Variants in AKR1C8 observed in about 807,000 individuals in gnomAD.
AKR1C8 encodes the protein aldo-keto reductase family 1 member C8.
At chr10:5,162,098 G>A in the AKR1C8 span, 1 of 396,130 alleles carries the variant, frequency 2.5e-6, no homozygotes, top group Admixed American at 3.4e-5. Flanking sequence ...AAAAGAGCTG[G>A]GACTAAACAT....
the AKR1C8 span, among the ~76,000 whole-genome samples, chr10:5,156,877 C>A: frequency 6.6e-6 from 1 of 152,118 alleles, no homozygotes; most frequent in African/African-American, 2.4e-5. Context: ...TTGTAGCTGT[C>A]ATTTTAAAAT....
At chr10:5,135,563 A>G in the AKR1C8 span, among the ~76,000 whole-genome samples, 2 of 149,146 alleles carry the variant, frequency 1.3e-5, no homozygotes, top group Non-Finnish European at 1.5e-5. Context: ...TCTATCATCT[A>G]TCATCTATCT....
the AKR1C8 span, chr10:5,158,811 T>C: frequency 2.4e-6 from 1 of 424,836 alleles, no homozygotes; most frequent in Non-Finnish European, 4.7e-6. Context: ...CATTAATAGA[T>C]GTACTATACT....
chr10:5,140,402 G>A, the AKR1C8 span, among the ~76,000 whole-genome samples: 5 of 152,070 alleles, frequency 3.3e-5, no homozygotes, highest in African/African-American at 1.2e-4. Flanking sequence ...CAACCCAAAT[G>A]TCCATCAATG....
At chr10:5,180,880 G>A in the AKR1C8 span, among the ~76,000 whole-genome samples, 1 of 152,332 alleles carries the variant, frequency 6.6e-6, no homozygotes, top group Non-Finnish European at 1.5e-5. Context: ...TTTTCCAGGT[G>A]CCGTCTGTCA....
At chr10:5,163,122 C>A in the AKR1C8 span, 1 of 418,490 alleles carries the variant, frequency 2.4e-6, no homozygotes. Context: ...TGGCCGCCTC[C>A]TCCAATTTTG....
chr10:5,127,702 G>A, the AKR1C8 span, among the ~76,000 whole-genome samples: 5 of 125,002 alleles, frequency 4.0e-5, no homozygotes, highest in Non-Finnish European at 6.3e-5. Context: ...AGCAGCCTGG[G>A]CAACAAAGCA....
At chr10:5,122,077 T>A in the AKR1C8 span, 99,141 of 299,260 alleles carry the variant, frequency 0.33, 16,718 homozygotes, top group Non-Finnish European at 0.39. Context: ...AGAATCTGCA[T>A]CACTTAAAAT....
the AKR1C8 span, among the ~76,000 whole-genome samples, chr10:5,164,810 A>T: frequency 1.3e-5 from 2 of 152,296 alleles, no homozygotes; most frequent in East Asian, 1.9e-4. Flanking sequence ...TCTCAGTGTT[A>T]TCTGAAGGCT....
chr10:5,151,012 GGGGACC>G, the AKR1C8 span, among the ~76,000 whole-genome samples: 1 of 152,146 alleles, frequency 6.6e-6, no homozygotes, highest in Admixed American at 6.5e-5. Flanking sequence ...TTGGTGGGTA[GGGGACC>G]AGTGAGTCAG....
At chr10:5,116,849 TAC>T in the AKR1C8 span, among the ~76,000 whole-genome samples, 1 of 152,124 alleles carries the variant, frequency 6.6e-6, no homozygotes, top group African/African-American at 2.4e-5. Flanking sequence ...ACTTACAAAA[TAC>T]AGTAATTCTT....
the AKR1C8 span, chr10:5,162,708 G>A: frequency 2.8e-6 from 1 of 359,888 alleles, no homozygotes. Context: ...ATATTTCAGA[G>A]TAAGAAAGTC....
chr10:5,168,424 C>G, the AKR1C8 span, among the ~76,000 whole-genome samples: 2 of 152,046 alleles, frequency 1.3e-5, no homozygotes, highest in African/African-American at 4.8e-5. Context: ...CCCAAACCCC[C>G]GAGTCCACTA....
the AKR1C8 span, among the ~76,000 whole-genome samples, chr10:5,174,137 A>C: frequency 6.6e-6 from 1 of 151,894 alleles, no homozygotes; most frequent in Non-Finnish European, 1.5e-5. Flanking sequence ...TAGAAACTGC[A>C]CATTTTCCTA....
At chr10:5,159,295 G>C in the AKR1C8 span, among the ~76,000 whole-genome samples, 1 of 152,174 alleles carries the variant, frequency 6.6e-6, no homozygotes, top group South Asian at 2.1e-4. Flanking sequence ...AAGTACAAAA[G>C]GAACATGTCA....
chr10:5,176,915 C>T, the AKR1C8 span, among the ~76,000 whole-genome samples: 8 of 152,216 alleles, frequency 5.3e-5, no homozygotes, highest in South Asian at 2.1e-4. Context: ...AGAATCATGT[C>T]GTCTGCAAAC....
At chr10:5,141,403 T>C in the AKR1C8 span, among the ~76,000 whole-genome samples, 1 of 152,166 alleles carries the variant, frequency 6.6e-6, no homozygotes, top group Non-Finnish European at 1.5e-5. Flanking sequence ...TCTATTCATG[T>C]TGATATTTTG....
the AKR1C8 span, among the ~76,000 whole-genome samples, chr10:5,136,570 G>GT: frequency 3.0e-4 from 45 of 152,206 alleles, no homozygotes; most frequent in Non-Finnish European, 5.9e-4. Context: ...AATATCTGTT[G>GT]TTTTTTGACA....
chr10:5,157,464 G>T, the AKR1C8 span, among the ~76,000 whole-genome samples: 26 of 152,164 alleles, frequency 1.7e-4, no homozygotes, highest in Non-Finnish European at 1.2e-4. Flanking sequence ...TGATAAACCT[G>T]AGGACTCTGA....
Sources: allele counts gnomAD v4.1 joint callset (sites outside exome capture counted in the v4.1 genomes callset), GRCh38; gene constraint gnomAD v4.1.1; transcripts MANE v1.5; gene names NCBI Gene and HGNC (gene_info 2026-07-23, HGNC 2026-07-21).